Variants in AGBL4 observed in about 807,000 individuals in gnomAD.
AGBL4 encodes the protein cytosolic carboxypeptidase 6.
Under a neutral mutation model 66.4 loss-of-function variants are expected in AGBL4, and 58 were observed. The observed-to-expected ratio is 0.87, with a 90% confidence interval of 0.71 to 1.09. The LOEUF (loss-of-function observed/expected upper bound fraction) is 1.09. Among genes scored for constraint, AGBL4 ranks in the 50% least tolerant of loss-of-function variants. The pLI is 0.00. For missense variants in AGBL4, 579 were observed against 631.0 expected (o/e 0.92, Z 0.88); for synonymous variants, 234 against 222.9 (o/e 1.05, Z -0.44).
chr1:49,734,411 C>G (rs1649701010), intron 2 of AGBL4, among the ~76,000 whole-genome samples: 5 of 151,792 alleles, frequency 3.3e-5, no homozygotes, highest in Admixed American at 3.3e-4. Context: ...CAGGAATCTA[C>G]AGAAAAAGTA....
In AGBL4 at chr1:48,533,744, C is replaced by G. The variant is rs1369465227; in HGVS notation, c.*429G>C. 5.1e-6 allele frequency: 1 copy of G among 197,774 alleles called. No individual in the cohort carries two copies. The highest frequency in any genetic ancestry group is 1.0e-5 in the Non-Finnish European group (1 of 96,984). The allele number at this position is 197,774 out of a possible 1,614,324, so 12.3% of individuals were successfully genotyped here. A position where few individuals can be genotyped will look rare whatever the true frequency, so the allele number is the denominator to read the frequency against. ...TGCTGTTGTTTTGGATCAGAAAATA[C>G]AAACACTGCATTTCTAAAGCTGTAA... On this transcript the variant is annotated 3_prime_UTR_variant, in exon 14 of 14. Transcript: ENST00000371839.
In AGBL4 at chr1:49,693,349, T is replaced by C. The variant is rs1646924631; in HGVS notation, c.282+3964A>G. ...AAGATGTTCACTACATTGTTACTTA[T>C]AACAACAACAAATGGAAAATAATCT... On this transcript the variant is annotated intron_variant, in intron 3 of 13. Coordinates refer to ENST00000371839, the MANE Select transcript of AGBL4 (RefSeq NM_032785.4). 1.3e-5 allele frequency among the ~76,000 whole-genome samples: 2 copies of C among 152,138 alleles called. 1 individual carries two copies. Among genetic ancestry groups the C allele is most frequent in the Admixed American group, 1.3e-4 (2 of 15,270 alleles).
intron 5 of AGBL4, among the ~76,000 whole-genome samples, chr1:49,002,458 C>A (rs1328517387): frequency 6.6e-6 from 1 of 152,170 alleles, no homozygotes; most frequent in African/African-American, 2.4e-5. Context: ...GATCCCTTAA[C>A]CTTCAGAGAC....
intron 3 of AGBL4, among the ~76,000 whole-genome samples, chr1:49,283,046 G>C (rs538323646): frequency 6.6e-6 from 1 of 152,364 alleles, no homozygotes; most frequent in Admixed American, 6.5e-5. Context: ...GCCTGCCTCT[G>C]TAGGCTCCAC....
At chr1:49,355,843 G>C (rs1338213) in intron 3 of AGBL4, among the ~76,000 whole-genome samples, 124,607 of 152,144 alleles carry the variant, frequency 0.82, 51,786 homozygotes, top group African/African-American at 0.96. Flanking sequence ...AAAGCAAAGA[G>C]CAATGAGTAT....
At chr1:48,945,044 T>G (rs535846913) in intron 5 of AGBL4, among the ~76,000 whole-genome samples, 8 of 152,262 alleles carry the variant, frequency 5.3e-5, no homozygotes, top group Admixed American at 3.3e-4. Context: ...ATGATCCTCT[T>G]TATTCCATCC....
chr1:49,156,744 T>C (rs913270236), intron 4 of AGBL4, among the ~76,000 whole-genome samples: 6 of 152,192 alleles, frequency 3.9e-5, no homozygotes, highest in Non-Finnish European at 8.8e-5. Flanking sequence ...TCGATTAATA[T>C]AACCTTATCA....
intron 3 of AGBL4, among the ~76,000 whole-genome samples, chr1:49,361,804 G>A (rs1644141856): frequency 6.6e-6 from 1 of 151,734 alleles, no homozygotes; most frequent in Non-Finnish European, 1.5e-5. Flanking sequence ...TCTCTTCTGT[G>A]TTCCTTTAGC....
At chr1:48,693,038 C>T (rs1388053392) in intron 6 of AGBL4, among the ~76,000 whole-genome samples, 1 of 152,206 alleles carries the variant, frequency 6.6e-6, no homozygotes, top group Non-Finnish European at 1.5e-5. Flanking sequence ...ATGCAGGATT[C>T]AATCCTAGGT....
intron 4 of AGBL4, among the ~76,000 whole-genome samples, chr1:49,125,715 A>C (rs1289995248): frequency 6.6e-6 from 1 of 152,216 alleles, no homozygotes; most frequent in Non-Finnish European, 1.5e-5. Flanking sequence ...TGATGCAAGC[A>C]GTATTATCTC....
At chr1:49,930,923 A>T (rs987577325) in intron 1 of AGBL4, among the ~76,000 whole-genome samples, 1 of 152,148 alleles carries the variant, frequency 6.6e-6, no homozygotes, top group Non-Finnish European at 1.5e-5. Context: ...AGGCAAGAAA[A>T]AATTTAAAAG....
intron 6 of AGBL4, chr1:48,817,841 C>T: frequency 1.7e-6 from 1 of 592,046 alleles, no homozygotes. Flanking sequence ...AACCTCAGCT[C>T]ATACCCCTTC....
intron 4 of AGBL4, among the ~76,000 whole-genome samples, chr1:49,120,948 A>G (rs1645640398): frequency 6.6e-6 from 1 of 151,582 alleles, no homozygotes; most frequent in African/African-American, 2.4e-5. Flanking sequence ...GCTTTATTTC[A>G]TTAATTTGAT....
chr1:49,200,315 T>C (rs1208021953), intron 4 of AGBL4, among the ~76,000 whole-genome samples: 1 of 152,224 alleles, frequency 6.6e-6, no homozygotes, highest in Non-Finnish European at 1.5e-5. Context: ...TCTTCCTACT[T>C]TACTCTCATT....
At chr1:49,937,649 C>A (rs901629256) in intron 1 of AGBL4, among the ~76,000 whole-genome samples, 14 of 152,168 alleles carry the variant, frequency 9.2e-5, no homozygotes, top group Middle Eastern at 6.8e-3. Context: ...TCCCTCAGAC[C>A]ACAGTGCGAT....
chr1:49,417,153 T>C (rs1352685500), intron 3 of AGBL4, among the ~76,000 whole-genome samples: 1 of 152,064 alleles, frequency 6.6e-6, no homozygotes, highest in Non-Finnish European at 1.5e-5. Flanking sequence ...TCATAGGCTA[T>C]GATCAGAGAA....
intron 6 of AGBL4, chr1:48,776,666 GC>G: frequency 6.7e-7 from 1 of 1,498,410 alleles, no homozygotes; most frequent in Non-Finnish European, 8.9e-7. Flanking sequence ...CGGGGGGCGC[GC>G]GGGGGGCTCT....
chr1:48,877,782 A>T (rs1179033126), intron 5 of AGBL4, among the ~76,000 whole-genome samples: 1 of 152,054 alleles, frequency 6.6e-6, no homozygotes, highest in Non-Finnish European at 1.5e-5. Context: ...TTGAATAAGG[A>T]TTAGGAGCAC....
chr1:49,893,879 G>A (rs1648913741), intron 1 of AGBL4, among the ~76,000 whole-genome samples: 1 of 152,144 alleles, frequency 6.6e-6, no homozygotes, highest in South Asian at 2.1e-4. Context: ...GTGAACATAG[G>A]CAGTAGACAG....
Sources: gnomAD v4.1 joint callset for allele counts (sites outside exome capture counted in the v4.1 genomes callset) on GRCh38, gnomAD v4.1.1 for gene constraint, MANE v1.5 for transcripts, NCBI Gene and HGNC (gene_info 2026-07-23, HGNC 2026-07-21) for gene names.